The following PCDHA1 variants were observed in gnomAD, a reference collection of about 807,000 sequenced individuals.
PCDHA1 encodes protocadherin alpha-1.
Under a neutral mutation model 61.3 loss-of-function variants are expected in PCDHA1, and 42 were observed. That is an observed-to-expected ratio of 0.69 (90% CI 0.54 to 0.89). The LOEUF (loss-of-function observed/expected upper bound fraction) is 0.89. PCDHA1 is among the 40% of genes least tolerant of loss of function. The pLI is 0.00. For synonymous variants in PCDHA1, 610 were observed against 553.8 expected, an observed-to-expected ratio of 1.10 and a Z score of -1.43; for missense variants, 1,256 against 1,235.3, an observed-to-expected ratio of 1.02 and a Z score of -0.25.
At chr5:140,884,498 G>C in intron 1 of PCDHA1, 5 of 1,614,076 alleles carry the variant, frequency 3.1e-6, no homozygotes, top group Non-Finnish European at 4.2e-6. Context: ...GTGCTCCAGC[G>C]CGGCAGGGAG....
chr5:140,863,494 C>T (rs1203332871), intron 1 of PCDHA1: 2 of 442,624 alleles, frequency 4.5e-6, no homozygotes, highest in East Asian at 6.0e-5. Context: ...GTCAACATTA[C>T]GGCTTTTAGT....
In PCDHA1 at chr5:140,857,222, G is replaced by T. The variant is rs373834853; in HGVS notation, c.2394+68538G>T. ...GGTCACCTGCTCTCTGACGCCTCAC[G>T]TTCCGTTCAAGCTGGTGTCCACCTA... On this transcript the variant is annotated intron_variant, in intron 1 of 3. Coordinates refer to ENST00000504120, the MANE Select transcript of PCDHA1 (RefSeq NM_018900.4). 4 of 1,598,456 alleles carry T rather than the reference G, an allele frequency of 2.5e-6. No individual in the cohort carries two copies. Among genetic ancestry groups the T allele is most frequent in the African/African-American group, 2.7e-5 (2 of 74,394 alleles).
intron 1 of PCDHA1, chr5:140,836,321 C>A: frequency 1.9e-6 from 3 of 1,613,768 alleles, no homozygotes; most frequent in Non-Finnish European, 2.5e-6. Flanking sequence ...CGCGCCACCG[C>A]CTTCTGGTGC....
At chr5:140,963,556 T>A (rs891498931) in intron 1 of PCDHA1, among the ~76,000 whole-genome samples, 28 of 152,238 alleles carry the variant, frequency 1.8e-4, no homozygotes, top group Non-Finnish European at 3.4e-4. Context: ...AAAAAGGGGC[T>A]GTTTTCTGGT....
chr5:140,797,393 T>C, intron 1 of PCDHA1: 1 of 1,577,716 alleles, frequency 6.3e-7, no homozygotes, highest in Non-Finnish European at 8.7e-7. Context: ...AAAATTGTTC[T>C]TTTTAAAAAA....
intron 1 of PCDHA1, among the ~76,000 whole-genome samples, chr5:140,934,224 AT>A: frequency 6.6e-6 from 1 of 152,246 alleles, no homozygotes. Context: ...TGTTTAAAAG[AT>A]TTGTACTTAA....
At chr5:141,008,126 G>A (rs2098361949) in intron 3 of PCDHA1, among the ~76,000 whole-genome samples, 1 of 152,178 alleles carries the variant, frequency 6.6e-6, no homozygotes, top group African/African-American at 2.4e-5. Context: ...TCAAGAAGGG[G>A]ATGACAAATG....
rs1562773759 is a variant in PCDHA1 at position 140,882,388 on chromosome 5, A to G, written c.2394+93704A>G. 2.5e-6 allele frequency: 4 copies of G among 1,614,158 alleles called. No individual in the cohort carries two copies. The African/African-American group carries it at 4.0e-5, about 16-fold the overall frequency. Reference sequence around the variant, plus strand: ...ACTACTCCGTCCCCGAGGAAGCAAAACACGGCACCTTCGTGGGCCGCATCG... The same window carrying G: ...ACTACTCCGTCCCCGAGGAAGCAAAGCACGGCACCTTCGTGGGCCGCATCG... On this transcript the variant is annotated intron_variant, in intron 1 of 3. Transcript: ENST00000504120.
At chr5:140,819,633 A>G (rs2150104769) in intron 1 of PCDHA1, among the ~76,000 whole-genome samples, 2 of 152,208 alleles carry the variant, frequency 1.3e-5, no homozygotes, top group South Asian at 4.1e-4. Context: ...TGGATAATCT[A>G]TAGTTACTGA....
intron 1 of PCDHA1, among the ~76,000 whole-genome samples, chr5:140,791,230 A>G (rs1316981106): frequency 6.6e-6 from 1 of 152,214 alleles, no homozygotes; most frequent in African/African-American, 2.4e-5. Context: ...TTGAGGTAGC[A>G]CGATTGTGTA....
chr5:140,877,509 G>T (rs781824762), intron 1 of PCDHA1: 21 of 1,613,700 alleles, frequency 1.3e-5, no homozygotes, highest in Non-Finnish European at 1.7e-5. Flanking sequence ...CAAAGACGTC[G>T]TCGCGGGCCT....
At chr5:140,831,516 C>G (rs572603415) in intron 1 of PCDHA1, among the ~76,000 whole-genome samples, 1 of 130,566 alleles carries the variant, frequency 7.7e-6, no homozygotes, top group African/African-American at 3.1e-5. Context: ...ACCATGCCCC[C>G]CACCTTTTTT....
intron 1 of PCDHA1, among the ~76,000 whole-genome samples, chr5:140,800,127 T>A (rs1287051587): frequency 2.0e-5 from 3 of 152,146 alleles, no homozygotes; most frequent in African/African-American, 7.2e-5. Context: ...TTACTTTATA[T>A]TGTTAACATT....
At chr5:140,801,178 A>G (rs925293774) in intron 1 of PCDHA1, 3 of 1,570,718 alleles carry the variant, frequency 1.9e-6, no homozygotes, top group African/African-American at 1.4e-5. Flanking sequence ...AGGCAATCTA[A>G]TATTTGGAAA....
intron 1 of PCDHA1, chr5:140,796,876 G>T: frequency 6.2e-7 from 1 of 1,614,034 alleles, no homozygotes. Flanking sequence ...ACGTGCCCTA[G>T]ACGAGGCTGA....
At chr5:140,905,298 T>A (rs1171619023) in intron 1 of PCDHA1, among the ~76,000 whole-genome samples, 2 of 152,218 alleles carry the variant, frequency 1.3e-5, no homozygotes, top group African/African-American at 2.4e-5. Context: ...TAAGGTGTCC[T>A]TTCCACACTT....
intron 3 of PCDHA1, among the ~76,000 whole-genome samples, chr5:141,001,535 G>A (rs2098024806): frequency 6.6e-6 from 1 of 152,182 alleles, no homozygotes; most frequent in South Asian, 2.1e-4. Flanking sequence ...TCTGATCCTG[G>A]ACAGGATTTG....
intron 3 of PCDHA1, among the ~76,000 whole-genome samples, chr5:140,996,006 C>G (rs962825775): frequency 6.6e-6 from 1 of 152,204 alleles, no homozygotes; most frequent in Non-Finnish European, 1.5e-5. Context: ...GTCGTCAGAA[C>G]TATTACTACT....
At position 140,843,279 on chromosome 5, in the gene PCDHA1, A is replaced by T. The variant is rs1778750894; in HGVS notation, c.2394+54595A>T. 3.8e-6 allele frequency: 6 copies of T among 1,595,936 alleles called. 2 individuals carry two copies. Among genetic ancestry groups the T allele is most frequent in the Non-Finnish European group, 4.3e-6 (5 of 1,165,554 alleles). On this transcript the variant is annotated intron_variant, in intron 1 of 3. Coordinates refer to ENST00000504120, the MANE Select transcript of PCDHA1 (RefSeq NM_018900.4). ...CACCGTCTGCTGGTCCTGGTGAAGGATCATGGTGAACCTGCGCTGACCGCC... is the reference window on the plus strand; with the variant it reads ...CACCGTCTGCTGGTCCTGGTGAAGGTTCATGGTGAACCTGCGCTGACCGCC...
Sources: allele counts gnomAD v4.1 joint callset (sites outside exome capture counted in the v4.1 genomes callset), GRCh38; gene constraint gnomAD v4.1.1; transcripts MANE v1.5; gene names NCBI Gene and HGNC (gene_info 2026-07-23, HGNC 2026-07-21).